Variants in ANKFN1 observed in about 807,000 individuals in gnomAD.
ANKFN1 encodes ankyrin repeat and fibronectin type-III domain-containing protein 1.
ANKFN1 carries 74 observed loss-of-function variants against 108.7 expected under a neutral mutation model. The observed-to-expected ratio is 0.68, with a 90% CI of 0.56 to 0.83. ANKFN1 has a LOEUF of 0.83. Among genes scored for constraint, ANKFN1 ranks in the 40% least tolerant of loss-of-function variants. ANKFN1 has a pLI of 0.00. For synonymous variants in ANKFN1, 547 were observed against 516.2 expected, an observed-to-expected ratio of 1.06 and a Z score of -0.81; for missense variants, 1,505 against 1,382.3, an observed-to-expected ratio of 1.09 and a Z score of -1.41.
At chr17:56,306,487 A>G (rs2144403150) in intron 3 of ANKFN1, among the ~76,000 whole-genome samples, 1 of 152,368 alleles carries the variant, frequency 6.6e-6, no homozygotes, top group Admixed American at 6.5e-5. Context: ...ATTGCTTCAA[A>G]GAGAATAAAA....
At chr17:56,052,915 CCAAA>C (rs1308288870) in intron 4 of ANKFN1, among the ~76,000 whole-genome samples, 2 of 152,072 alleles carry the variant, frequency 1.3e-5, no homozygotes, top group African/African-American at 4.8e-5. Flanking sequence ...CAATTTGAGC[CCAAA>C]CAGTCTAGCT....
chr17:56,052,270 G>A (rs2143079022), intron 4 of ANKFN1, among the ~76,000 whole-genome samples: 1 of 152,202 alleles, frequency 6.6e-6, no homozygotes, highest in East Asian at 1.9e-4. Flanking sequence ...TTTTCAGTCT[G>A]CGAGGGCTTA....
Position 56,274,268 on chromosome 17 carries a change from T to A in ANKFN1, c.53+46311T>A, listed in dbSNP as rs931338578. Among the ~76,000 whole-genome samples, 3 of 151,950 alleles carry A rather than the reference T, an allele frequency of 2.0e-5. No homozygotes were observed. In the East Asian group the frequency reaches 5.8e-4, roughly 29 times the overall value. On this transcript the variant is annotated intron_variant, in intron 3 of 20. Transcript: ENST00000682825. ...GCAGGCGGATCACGAGGTCAGGAAA[T>A]CGAGACCATCCTGGCTAACATGGTG...
intron 20 of ANKFN1, among the ~76,000 whole-genome samples, chr17:56,506,417 A>G (rs2051568567): frequency 6.6e-6 from 1 of 152,130 alleles, no homozygotes; most frequent in Admixed American, 6.5e-5. Context: ...AGGCCATGAG[A>G]AGTCAGAAGC....
chr17:56,082,212 AG>A (rs1905254146), intron 4 of ANKFN1, among the ~76,000 whole-genome samples: 1 of 152,178 alleles, frequency 6.6e-6, no homozygotes, highest in African/African-American at 2.4e-5. Context: ...ACTAGACCTC[AG>A]TTCATCTTCC....
chr17:56,274,058 CATAGTA>C (rs1470616690), intron 3 of ANKFN1, among the ~76,000 whole-genome samples: 1 of 152,148 alleles, frequency 6.6e-6, no homozygotes, highest in Non-Finnish European at 1.5e-5. Flanking sequence ...TTTCTGTAAC[CATAGTA>C]ATAGGACATT....
chr17:56,489,832 C>A (rs1302377505), intron 18 of ANKFN1, among the ~76,000 whole-genome samples: 1 of 152,064 alleles, frequency 6.6e-6, no homozygotes, highest in Non-Finnish European at 1.5e-5. Flanking sequence ...AGGACATAAT[C>A]CCTCCTTGAA....
At chr17:56,053,792 T>C (rs954179748) in intron 4 of ANKFN1, among the ~76,000 whole-genome samples, 28 of 152,212 alleles carry the variant, frequency 1.8e-4, no homozygotes, top group Non-Finnish European at 3.7e-4. Flanking sequence ...AGGTTCCCTT[T>C]TCTCCACATC....
intron 6 of ANKFN1, among the ~76,000 whole-genome samples, chr17:56,365,833 G>A (rs2046647404): frequency 6.6e-6 from 1 of 152,144 alleles, no homozygotes; most frequent in Non-Finnish European, 1.5e-5. Flanking sequence ...TTATGTACAG[G>A]ACACACTACT....
At chr17:56,188,868 A>C (rs570621643) in intron 1 of ANKFN1, among the ~76,000 whole-genome samples, 1 of 151,818 alleles carries the variant, frequency 6.6e-6, no homozygotes, top group South Asian at 2.1e-4. Context: ...GAAAGACCAA[A>C]CCTTGATTAG....
intron 4 of ANKFN1, among the ~76,000 whole-genome samples, chr17:56,047,226 C>T (rs28515601): frequency 6.6e-6 from 1 of 152,048 alleles, no homozygotes; most frequent in Non-Finnish European, 1.5e-5. Context: ...TCTGGAGACA[C>T]AGGATCCCCC....
chr17:56,420,807 A>G (rs1022491370), intron 8 of ANKFN1, among the ~76,000 whole-genome samples: 10 of 149,944 alleles, frequency 6.7e-5, no homozygotes, highest in African/African-American at 1.5e-4. Context: ...TGCCGGGTTC[A>G]TGCCATTCTC....
At chr17:56,385,927 T>A (rs1267009041) in intron 8 of ANKFN1, among the ~76,000 whole-genome samples, 1 of 152,106 alleles carries the variant, frequency 6.6e-6, no homozygotes, top group East Asian at 1.9e-4. Context: ...TCCTCAGGGA[T>A]CTAGAACTAG....
chr17:56,232,360 T>G (rs888766906), intron 3 of ANKFN1, among the ~76,000 whole-genome samples: 1 of 152,156 alleles, frequency 6.6e-6, no homozygotes, highest in African/African-American at 2.4e-5. Flanking sequence ...TGTGTTAGTT[T>G]TATTACAATA....
At chr17:56,299,807 T>C (rs2044621922) in intron 3 of ANKFN1, among the ~76,000 whole-genome samples, 1 of 152,206 alleles carries the variant, frequency 6.6e-6, no homozygotes, top group African/African-American at 2.4e-5. Flanking sequence ...AGTTTTTATT[T>C]CTATTCTCCA....
intron 3 of ANKFN1, among the ~76,000 whole-genome samples, chr17:56,304,397 A>G (rs985342304): frequency 2.0e-5 from 3 of 152,188 alleles, no homozygotes; most frequent in African/African-American, 7.2e-5. Context: ...CCATCTGTTG[A>G]AGGACAACTG....
chr17:56,347,013 G>T (rs2046122892), intron 4 of ANKFN1, among the ~76,000 whole-genome samples: 1 of 151,394 alleles, frequency 6.6e-6, no homozygotes, highest in South Asian at 2.1e-4. Context: ...ACAATATTAG[G>T]ACATTAACCT....
intron 2 of ANKFN1, 69 bp from the exon 3 acceptor site, chr17:56,227,848 A>C: frequency 8.2e-7 from 1 of 1,222,122 alleles, no homozygotes. Flanking sequence ...TTCAAACGTG[A>C]CTCCTTTTTC....
At chr17:56,312,528 G>T (rs540515001) in intron 3 of ANKFN1, among the ~76,000 whole-genome samples, 211 of 152,050 alleles carry the variant, frequency 1.4e-3, no homozygotes, top group African/African-American at 4.9e-3. Flanking sequence ...CCTAATCCCG[G>T]CTGCCCTAAC....
Sources: gnomAD v4.1 joint callset for allele counts (sites outside exome capture counted in the v4.1 genomes callset) on GRCh38, gnomAD v4.1.1 for gene constraint, MANE v1.5 for transcripts, NCBI Gene and HGNC (gene_info 2026-07-23, HGNC 2026-07-21) for gene names.